Variants in TUBGCP5 observed in about 807,000 individuals in gnomAD.
The protein encoded by TUBGCP5 is gamma-tubulin complex component 5.
Under a neutral mutation model 134.7 loss-of-function variants are expected in TUBGCP5, and 98 were observed. The observed-to-expected ratio is 0.73, with a 90% confidence interval of 0.62 to 0.86. TUBGCP5 has a LOEUF of 0.86. TUBGCP5 is among the 40% of genes least tolerant of loss of function. The pLI, the probability that TUBGCP5 is intolerant of heterozygous loss-of-function variation, is 0.00. For synonymous variants in TUBGCP5, 456 were observed against 431.4 expected, an observed-to-expected ratio of 1.06 and a Z score of -0.71; for missense variants, 1,150 against 1,244.8, an observed-to-expected ratio of 0.92 and a Z score of 1.15.
intron 14 of TUBGCP5, among the ~76,000 whole-genome samples, chr15:23,010,907 G>A: frequency 6.6e-6 from 1 of 151,898 alleles, no homozygotes; most frequent in East Asian, 1.9e-4. Flanking sequence ...TAACCTGGGA[G>A]GCAGAGGTTG....
chr15:23,039,046 AT>A (rs2066760454), intron 1 of TUBGCP5, among the ~76,000 whole-genome samples: 1 of 147,958 alleles, frequency 6.8e-6, no homozygotes, highest in Non-Finnish European at 1.5e-5. Flanking sequence ...AAAAAAAAAA[AT>A]TATAAACATG....
intron 23 of TUBGCP5, among the ~76,000 whole-genome samples, chr15:22,990,951 G>A (rs186328601): frequency 1.4e-4 from 22 of 152,268 alleles, no homozygotes; most frequent in Admixed American, 2.6e-4. Context: ...AAAGAATGGC[G>A]CGGCCATGGC....
Position 22,988,494 on chromosome 15 carries a change from G to A in TUBGCP5, c.*62-4883C>T, listed in dbSNP as rs1002845295. Among the ~76,000 whole-genome samples the A allele has an allele frequency of 2.6e-5, 4 of 151,812 alleles. 1 individual carries two copies. In the South Asian group the frequency reaches 6.2e-4, roughly 24 times the overall value. ...GAAGCCTGTAATCCCAGCACTTTGG[G>A]AGGCCAAGGCGGGCGTATCACGAGG... On this transcript the variant is annotated intron_variant and NMD_transcript_variant, in intron 23 of 23. Transcript: ENST00000614508.
intron 3 of TUBGCP5, among the ~76,000 whole-genome samples, chr15:23,034,381 A>G (rs981931167): frequency 6.6e-6 from 1 of 152,226 alleles, no homozygotes; most frequent in Non-Finnish European, 1.5e-5. Flanking sequence ...CCGGGAATTG[A>G]AAACAACTAT....
chr15:22,987,367 G>C (rs2063710613), intron 23 of TUBGCP5, among the ~76,000 whole-genome samples: 1 of 151,160 alleles, frequency 6.6e-6, no homozygotes, highest in Non-Finnish European at 1.5e-5. Context: ...GAAAGTTACT[G>C]TCCTGTTTTT....
At chr15:23,016,071 G>C (rs549216616) in intron 13 of TUBGCP5, among the ~76,000 whole-genome samples, 3 of 152,176 alleles carry the variant, frequency 2.0e-5, no homozygotes, top group Non-Finnish European at 4.4e-5. Context: ...AACTCGGTGA[G>C]ATACAAGAGA....
intron 23 of TUBGCP5, among the ~76,000 whole-genome samples, chr15:22,988,861 G>T (rs1404555829): frequency 6.6e-6 from 1 of 151,984 alleles, no homozygotes; most frequent in African/African-American, 2.4e-5. Context: ...CCGATTCCCT[G>T]GTTCAAGCGA....
chr15:22,985,993 G>A (rs776038895), intron 23 of TUBGCP5, among the ~76,000 whole-genome samples: 3 of 150,922 alleles, frequency 2.0e-5, no homozygotes, highest in Non-Finnish European at 2.9e-5. Flanking sequence ...AATTAGCTGG[G>A]TGTGGTGGCG....
At chr15:22,991,158 C>T (rs1275432983) in intron 23 of TUBGCP5, among the ~76,000 whole-genome samples, 2 of 151,416 alleles carry the variant, frequency 1.3e-5, no homozygotes, top group Non-Finnish European at 2.9e-5. Flanking sequence ...AGTGCAGTGG[C>T]GCGATGTCAG....
At chr15:22,995,378 T>A (rs1487156722), downstream of TUBGCP5, among the ~76,000 whole-genome samples, 1 of 152,034 alleles carries the variant, frequency 6.6e-6, no homozygotes, top group Non-Finnish European at 1.5e-5. Flanking sequence ...GGAAGCACCA[T>A]ACTGGTGTCC....
At chr15:23,028,046 TA>T (rs1271151939) in intron 6 of TUBGCP5, among the ~76,000 whole-genome samples, 3 of 152,104 alleles carry the variant, frequency 2.0e-5, no homozygotes, top group African/African-American at 7.2e-5. Flanking sequence ...TTTATGAGGC[TA>T]ATGTAACAGT....
chr15:23,000,320 A>T, intron 22 of TUBGCP5: 1 of 1,274,118 alleles, frequency 7.8e-7, no homozygotes, highest in Non-Finnish European at 9.9e-7. Flanking sequence ...CATCAACTTT[A>T]TTTAATAGGA....
intron 13 of TUBGCP5, among the ~76,000 whole-genome samples, chr15:23,017,512 A>G (rs1219241455): frequency 1.3e-5 from 2 of 152,182 alleles, no homozygotes; most frequent in African/African-American, 4.8e-5. Context: ...TCCAGTCCTA[A>G]GGAATCCAGA....
intron 13 of TUBGCP5, among the ~76,000 whole-genome samples, chr15:23,016,963 TTG>T (rs1015780042): frequency 4.2e-5 from 6 of 141,734 alleles, no homozygotes; most frequent in Non-Finnish European, 7.5e-5. Context: ...GGTAAAAAAA[TTG>T]TGAGATATAT....
rs114654557 is a variant in TUBGCP5, at chr15:23,013,448, A to G, written c.1757-2117T>C. On this transcript the variant is annotated intron_variant, in intron 13 of 22. Coordinates refer to ENST00000615383, the MANE Select transcript of TUBGCP5 (RefSeq NM_052903.6). The surrounding 1 kb of genome is among the most constrained non-coding windows in gnomAD (Gnocchi z 4.5). Reference sequence around the variant, plus strand: ...GCGACAGGGAAAGACTCCGTCTCAAAAAAAAAAGATCCGACTGGAGTTGAA... The same window carrying G: ...GCGACAGGGAAAGACTCCGTCTCAAGAAAAAAAGATCCGACTGGAGTTGAA... Among the ~76,000 whole-genome samples the G allele has an allele frequency of 0.046, 6,978 of 152,090 alleles. 423 individuals carry two copies. Among genetic ancestry groups the G allele is most frequent in the African/African-American group, 0.14 (5,976 of 41,488 alleles).
Position 23,039,533 on chromosome 15 carries a change from T to C in TUBGCP5, c.11A>G (p.His4Arg), listed in dbSNP as rs748173821. ...GTCCAACCGACTCCACGGTGGCCCG[T>C]GCCGCGCCATGTTCCGCGCTCCTGC... is the stretch of plus-strand genomic sequence containing the variant. MAR[H>R]GPPWSRLDAQ... The change falls in exon 1 of 23, where the codon CAC becomes CGC. Residue 4 changes from histidine to arginine, a missense_variant. His to Arg is a conservative substitution (Grantham distance 29). Transcript: ENST00000615383. 41 of 1,475,786 alleles carry C rather than the reference T, an allele frequency of 2.8e-5. 1 individual carries two copies. The South Asian group carries it at 5.3e-4, about 19-fold the overall frequency. 91.4% of individuals were successfully genotyped at this position (1,475,786 alleles called of 1,614,324 possible). A position where few individuals can be genotyped will look rare whatever the true frequency, so the allele number is the denominator to read the frequency against.
chr15:22,983,997 G>C (rs1017040811), intron 23 of TUBGCP5, among the ~76,000 whole-genome samples: 2 of 152,116 alleles, frequency 1.3e-5, no homozygotes, highest in African/African-American at 4.8e-5. Context: ...GGCGGTGCCT[G>C]TGGTCCCAGC....
chr15:22,990,244 C>CCCCCTCCTCTT (rs201087717), intron 23 of TUBGCP5, among the ~76,000 whole-genome samples: 58 of 151,998 alleles, frequency 3.8e-4, no homozygotes, highest in African/African-American at 1.3e-3. Context: ...TCCCACTCCT[C>CCCCCTCCTCTT]CCCCTCCTCT....
intron 23 of TUBGCP5, among the ~76,000 whole-genome samples, chr15:22,987,895 CAAAAAAAAAAAAAAAAAA>C (rs869168765): frequency 4.9e-5 from 1 of 20,468 alleles, no homozygotes; most frequent in Non-Finnish European, 9.0e-5. Context: ...GACTCCATCT[CAAAAAAAAAAAAAAAAAA>C]AAAAAAAAAA....
Sources: allele counts gnomAD v4.1 joint callset (sites outside exome capture counted in the v4.1 genomes callset), GRCh38; gene constraint gnomAD v4.1.1; non-coding constraint Gnocchi (gnomAD v3.1); transcripts MANE v1.5; gene names NCBI Gene and HGNC (gene_info 2026-07-23, HGNC 2026-07-21).